The following MYT1L variants were observed in gnomAD, a reference collection of about 807,000 sequenced individuals.
The protein encoded by MYT1L is myelin transcription factor 1-like protein.
Under a neutral mutation model 126.7 loss-of-function variants are expected in MYT1L, and 12 were observed. The observed-to-expected ratio is 0.09, with a 90% CI of 0.06 to 0.15. The LOEUF is 0.15. Ranked by LOEUF, MYT1L falls within the 10% of genes least tolerant of loss-of-function variation. The probability of loss-of-function intolerance (pLI) is 1.00; values close to 1 mark genes in which losing one functional copy is unlikely to be tolerated. For missense variants in MYT1L, 979 were observed against 1,585.2 expected (o/e 0.62, Z 6.49); for synonymous variants, 541 against 604.2 (o/e 0.90, Z 1.53).
intron 13 of MYT1L, among the ~76,000 whole-genome samples, chr2:1,908,736 CTA>C (rs2051463589): frequency 6.6e-6 from 1 of 152,062 alleles, no homozygotes; most frequent in African/African-American, 2.4e-5. Context: ...GGAGGGTGGC[CTA>C]TGAGTTGTTC....
At chr2:2,032,761 C>G (rs1483644649) in intron 4 of MYT1L, among the ~76,000 whole-genome samples, 7 of 110,704 alleles carry the variant, frequency 6.3e-5, no homozygotes, top group African/African-American at 1.1e-4. Context: ...TGCCTCTCAT[C>G]CTGTGGCCCA....
rs765702884 is a variant in MYT1L at position 1,793,836 on chromosome 2, G to C, written c.3277-1372C>G. Among the ~76,000 whole-genome samples, 2 of 152,194 alleles carry C rather than the reference G, an allele frequency of 1.3e-5. No homozygotes were observed. The highest frequency in any genetic ancestry group is 2.9e-5 in the Non-Finnish European group (2 of 68,012). ...TCAAATTAATGTTCCCCTCCCAGCC[G>C]CCCCCTTGCAGGCTCAGGAGTGGAT... On this transcript the variant is annotated intron_variant, in intron 23 of 24. Coordinates refer to ENST00000647738, the MANE Select transcript of MYT1L (RefSeq NM_001303052.2). This position sits in a 1 kb window ranked among gnomAD's most constrained non-coding sequence, Gnocchi z 4.6.
chr2:2,075,356 A>G (rs2075097061), intron 3 of MYT1L, among the ~76,000 whole-genome samples: 1 of 152,194 alleles, frequency 6.6e-6, no homozygotes, highest in Non-Finnish European at 1.5e-5. Flanking sequence ...GATGTACCAC[A>G]CACATCTGAC....
At chr2:1,812,537 G>T (rs2036832235) in intron 21 of MYT1L, among the ~76,000 whole-genome samples, 2 of 152,138 alleles carry the variant, frequency 1.3e-5, no homozygotes, top group Admixed American at 1.3e-4. Flanking sequence ...TGCAGACTGA[G>T]CCCTCAAAGA....
Position 1,979,688 on chromosome 2 carries a change from A to G in MYT1L, c.55+35T>C. On this transcript the variant is annotated intron_variant, in intron 6 of 24. Coordinates refer to ENST00000647738, the MANE Select transcript of MYT1L (RefSeq NM_001303052.2). This position sits in a 1 kb window ranked among gnomAD's most constrained non-coding sequence, Gnocchi z 4.0. ...GTTCCGCAGGATGAAGGTGACCCTG[A>G]GCCGGCCTCAGGATGCAGGGAAGCG... 1 of 1,613,636 alleles carries G rather than the reference A, an allele frequency of 6.2e-7. No homozygotes were observed. Among genetic ancestry groups the G allele is most frequent in the South Asian group, 1.1e-5 (1 of 91,054 alleles).
intron 1 of MYT1L, among the ~76,000 whole-genome samples, chr2:2,301,825 TA>T (rs375520368): frequency 0.093 from 8,979 of 96,886 alleles, 338 homozygotes; most frequent in South Asian, 0.19. Context: ...CCTGTCTGTC[TA>T]AAAAAAAAAA....
intron 3 of MYT1L, among the ~76,000 whole-genome samples, chr2:2,083,337 A>G (rs1302492347): frequency 1.3e-5 from 2 of 152,200 alleles, no homozygotes; most frequent in Non-Finnish European, 2.9e-5. Context: ...CTGATATGCA[A>G]TACAGCTGGC....
intron 3 of MYT1L, among the ~76,000 whole-genome samples, chr2:2,160,219 C>A (rs1190120792): frequency 6.6e-6 from 1 of 152,102 alleles, no homozygotes; most frequent in Non-Finnish European, 1.5e-5. Context: ...GTAGGCTTTG[C>A]AAACAAAAAC....
chr2:2,286,832 A>C (rs1183029299), intron 1 of MYT1L, among the ~76,000 whole-genome samples: 2 of 152,226 alleles, frequency 1.3e-5, no homozygotes, highest in Non-Finnish European at 2.9e-5. Context: ...GGCCACCTGC[A>C]GAAGGCGGGA....
intron 3 of MYT1L, among the ~76,000 whole-genome samples, chr2:2,146,456 C>T (rs992796728): frequency 1.7e-4 from 26 of 152,106 alleles, no homozygotes; most frequent in Non-Finnish European, 2.8e-4. Context: ...GTGAGGGCTG[C>T]GGAGGATGGA....
At chr2:1,881,785 C>G (rs893309762) in intron 18 of MYT1L, among the ~76,000 whole-genome samples, 1 of 151,566 alleles carries the variant, frequency 6.6e-6, no homozygotes, top group Non-Finnish European at 1.5e-5. Flanking sequence ...AAAATAAATT[C>G]TCTGTGTGTG....
intron 19 of MYT1L, among the ~76,000 whole-genome samples, chr2:1,846,942 A>C (rs2042580530): frequency 6.6e-6 from 1 of 152,228 alleles, no homozygotes; most frequent in African/African-American, 2.4e-5. Flanking sequence ...TCTGCATGAC[A>C]TCAAGCCTGT....
intron 4 of MYT1L, among the ~76,000 whole-genome samples, chr2:2,053,190 A>G (rs56079507): frequency 0.01 from 1,541 of 152,332 alleles, 28 homozygotes; most frequent in African/African-American, 0.031. Context: ...TGCCACTCAC[A>G]TGAGGTAAGA....
At chr2:2,285,247 T>C (rs919054965) in intron 1 of MYT1L, among the ~76,000 whole-genome samples, 4 of 152,188 alleles carry the variant, frequency 2.6e-5, no homozygotes, top group Admixed American at 6.5e-5. Flanking sequence ...AATTGCATTA[T>C]GGCAATGTAT....
chr2:1,956,828 C>CAA (rs74164548), intron 8 of MYT1L, among the ~76,000 whole-genome samples: 2 of 146,164 alleles, frequency 1.4e-5, no homozygotes, highest in African/African-American at 2.5e-5. Flanking sequence ...TAGTGAAAAG[C>CAA]AAAAAAAAAA....
rs560203536 is a variant in MYT1L, at chr2:2,294,389, G to C, written c.-520-9886C>G. Among the ~76,000 whole-genome samples, 10 of 152,262 alleles carry C rather than the reference G, an allele frequency of 6.6e-5. No homozygotes were observed. The South Asian group carries it at 2.1e-3, about 32-fold the overall frequency. On this transcript the variant is annotated intron_variant, in intron 1 of 24. Coordinates refer to ENST00000647738, the MANE Select transcript of MYT1L (RefSeq NM_001303052.2). ...AATTTAGAAAGAATGGGGGAAGAGA[G>C]TTGGCAAGGACTGAGATCAGATGAA...
At chr2:1,962,699 T>C (rs2059053706) in intron 8 of MYT1L, among the ~76,000 whole-genome samples, 1 of 152,246 alleles carries the variant, frequency 6.6e-6, no homozygotes, top group Non-Finnish European at 1.5e-5. Context: ...TGGAATATTC[T>C]AAATCCTATG....
chr2:2,139,699 C>T lies in MYT1L; in HGVS notation c.-304+33173G>A, dbSNP rs59393638. Among the ~76,000 whole-genome samples, 1,320 of 151,974 alleles carry T rather than the reference C, an allele frequency of 8.7e-3. 20 individuals are homozygous for T. The highest frequency in any genetic ancestry group is 0.026 in the African/African-American group (1,095 of 41,494). On this transcript the variant is annotated intron_variant, in intron 3 of 24. Transcript: ENST00000647738. Reference sequence around the variant, plus strand: ...AAGTGCATGTCCAGGCACCGGGAGACGTCCGCACTGCACAAGAGGCAGTTC... The same window carrying T: ...AAGTGCATGTCCAGGCACCGGGAGATGTCCGCACTGCACAAGAGGCAGTTC...
intron 2 of MYT1L, among the ~76,000 whole-genome samples, chr2:2,217,366 A>T (rs923609547): frequency 6.6e-6 from 1 of 152,174 alleles, no homozygotes; most frequent in African/African-American, 2.4e-5. Context: ...AACCAATGTA[A>T]CTTGTGACAA....
Sources: allele counts gnomAD v4.1 joint callset (sites outside exome capture counted in the v4.1 genomes callset), GRCh38; gene constraint gnomAD v4.1.1; non-coding constraint Gnocchi (gnomAD v3.1); transcripts MANE v1.5; gene names NCBI Gene and HGNC (gene_info 2026-07-23, HGNC 2026-07-21).